Variants in AP1G1 observed in about 807,000 individuals in gnomAD.
AP1G1 encodes adaptor related protein complex 1 subunit gamma 1, also known as AP-1 complex subunit gamma-1.
A neutral mutation model predicts 108.3 loss-of-function variants in AP1G1; 7 were observed. That is an observed-to-expected ratio of 0.06 (90% confidence interval 0.04 to 0.12). The LOEUF is 0.12. AP1G1 is among the 10% of genes least tolerant of loss of function. AP1G1 has a pLI of 1.00. For synonymous variants in AP1G1, 379 were observed against 353.5 expected, an observed-to-expected ratio of 1.07 and a Z score of -0.81; for missense variants, 756 against 1,010.7, an observed-to-expected ratio of 0.75 and a Z score of 3.42.
intron 1 of AP1G1, among the ~76,000 whole-genome samples, chr16:71,799,493 T>G (rs915325771): frequency 6.6e-6 from 1 of 152,292 alleles, no homozygotes; most frequent in South Asian, 2.1e-4. Flanking sequence ...GTGGGCTGAG[T>G]GCAGTGGCTC....
chr16:71,785,940 C>T (rs756466343), intron 2 of AP1G1, among the ~76,000 whole-genome samples: 69 of 152,082 alleles, frequency 4.5e-4, no homozygotes, highest in Non-Finnish European at 6.5e-4. Context: ...TGTGATCATA[C>T]GTGCAGGTGA....
In AP1G1 at chr16:71,786,237, A is replaced by G. The variant is rs746509991; in HGVS notation, c.201+3042T>C. Among the ~76,000 whole-genome samples the G allele has an allele frequency of 4.6e-4, 70 of 152,216 alleles. 1 individual carries two copies. Among genetic ancestry groups the G allele is most frequent in the Non-Finnish European group, 6.0e-4 (41 of 68,038 alleles). On this transcript the variant is annotated intron_variant, in intron 2 of 22. Coordinates refer to ENST00000299980, the MANE Select transcript of AP1G1 (RefSeq NM_001128.6). ...CCTTAAAAGCACATTCTATTTAAAC[A>G]TATTAAAGAAATGAATCTTAGAAAA... is the stretch of plus-strand genomic sequence containing the variant.
intron 1 of AP1G1, among the ~76,000 whole-genome samples, chr16:71,794,926 C>T (rs1442354538): frequency 7.4e-6 from 1 of 135,652 alleles, no homozygotes; most frequent in East Asian, 2.3e-4. Context: ...CTTCATTTGC[C>T]TTGTTCACTC....
intron 10 of AP1G1, among the ~76,000 whole-genome samples, chr16:71,760,182 T>C (rs1421219470): frequency 4.0e-5 from 6 of 151,856 alleles, no homozygotes; most frequent in Non-Finnish European, 5.9e-5. Context: ...CCAAGTGTTC[T>C]TTAGAAGGAG....
chr16:71,753,898 C>T lies in AP1G1; in HGVS notation c.1230-11G>A. The T allele has an allele frequency of 1.2e-6, 2 of 1,613,252 alleles. No individual in the cohort carries two copies. The highest frequency in any genetic ancestry group is 1.7e-6 in the Non-Finnish European group (2 of 1,179,470). On this transcript the variant is annotated splice_polypyrimidine_tract_variant and intron_variant, in intron 12 of 22. Transcript: ENST00000299980. ...TTGGAAGGTGCATACCTGAAAAAAA[C>T]AATGGAAAGGGACACTTGGAACCAG... is the stretch of plus-strand genomic sequence containing the variant.
rs1443371772 is a variant in AP1G1, at chr16:71,748,228, C to T, written c.1625+23G>A. 1.9e-6 allele frequency: 3 copies of T among 1,602,718 alleles called. No homozygotes were observed. In the African/African-American group the frequency reaches 4.0e-5, roughly 22 times the overall value. ...TTTTAATTACAAAACAACCTGTTCA[C>T]CCTATGTTTCTTCAATACTCACTTT... is the stretch of plus-strand genomic sequence containing the variant. On this transcript the variant is annotated intron_variant, in intron 16 of 22. Transcript: ENST00000299980.
chr16:71,753,805 T>A, intron 13 of AP1G1, 28 bp downstream of exon 13: 2 of 1,602,618 alleles, frequency 1.2e-6, no homozygotes, highest in Non-Finnish European at 1.7e-6. Flanking sequence ...CAGCACTTCG[T>A]ATATGCTGTC....
chr16:71,767,854 T>A (rs772465968), intron 6 of AP1G1: 17 of 1,598,628 alleles, frequency 1.1e-5, no homozygotes, highest in Non-Finnish European at 1.4e-5. Flanking sequence ...GCATGCACCA[T>A]CTAAAAGAGG....
At chr16:71,772,281 C>A (rs1456850106) in intron 4 of AP1G1, among the ~76,000 whole-genome samples, 1 of 152,108 alleles carries the variant, frequency 6.6e-6, no homozygotes, top group African/African-American at 2.4e-5. Flanking sequence ...GCGCCCGCCA[C>A]CACGCCCGGC....
At chr16:71,778,818 C>T (rs927282853) in intron 2 of AP1G1, among the ~76,000 whole-genome samples, 1 of 151,952 alleles carries the variant, frequency 6.6e-6, no homozygotes, top group African/African-American at 2.4e-5. Context: ...TCCGTTTTTC[C>T]GCAGCAATCT....
intron 3 of AP1G1, among the ~76,000 whole-genome samples, chr16:71,773,743 G>C (rs1452361638): frequency 6.6e-6 from 1 of 152,050 alleles, no homozygotes; most frequent in Non-Finnish European, 1.5e-5. Flanking sequence ...AAGAGTTCGA[G>C]ACCAGCCTGG....
intron 19 of AP1G1, 63 bp from the exon 20 acceptor site, chr16:71,739,404 T>C (rs1220778903): frequency 3.1e-6 from 4 of 1,304,350 alleles, no homozygotes; most frequent in African/African-American, 3.2e-5. Flanking sequence ...ACCAAGAAAT[T>C]ATAGGGAAAA....
intron 2 of AP1G1, among the ~76,000 whole-genome samples, chr16:71,779,068 T>C (rs979025446): frequency 6.6e-6 from 1 of 152,130 alleles, no homozygotes; most frequent in African/African-American, 2.4e-5. Flanking sequence ...TTCCACACAA[T>C]TAATGGAAAA....
intron 2 of AP1G1, among the ~76,000 whole-genome samples, chr16:71,784,639 A>C (rs558844476): frequency 4.4e-4 from 67 of 151,864 alleles, no homozygotes; most frequent in African/African-American, 1.5e-3. Context: ...GCTCACTGCA[A>C]CCTCCACCTT....
intron 1 of AP1G1, chr16:71,808,213 C>G: frequency 8.8e-6 from 4 of 453,110 alleles, no homozygotes; most frequent in Non-Finnish European, 9.2e-6. Flanking sequence ...ACAACATATA[C>G]ACACACACAC....
chr16:71,803,909 G>C (rs1367036330), intron 1 of AP1G1, among the ~76,000 whole-genome samples: 2 of 142,828 alleles, frequency 1.4e-5, no homozygotes. Context: ...GGGCAACAGA[G>C]GAGGACTCCG....
intron 21 of AP1G1, among the ~76,000 whole-genome samples, chr16:71,738,066 G>A (rs2045572003): frequency 6.6e-6 from 1 of 152,048 alleles, no homozygotes; most frequent in African/African-American, 2.4e-5. Flanking sequence ...TGTTTGTTTT[G>A]AGATGGAGTC....
intron 2 of AP1G1, among the ~76,000 whole-genome samples, chr16:71,783,660 G>A (rs1298914880): frequency 6.6e-6 from 1 of 152,140 alleles, no homozygotes; most frequent in African/African-American, 2.4e-5. Context: ...TCCTACACAG[G>A]TAATTGGGTA....
At chr16:71,801,922 C>CAAAAAAAA (rs901972267) in intron 1 of AP1G1, among the ~76,000 whole-genome samples, 1 of 63,744 alleles carries the variant, frequency 1.6e-5, no homozygotes, top group Non-Finnish European at 3.2e-5. Context: ...ACTCCGTAAC[C>CAAAAAAAA]AAAAAAAAAA....
Sources: allele counts gnomAD v4.1 joint callset (sites outside exome capture counted in the v4.1 genomes callset), GRCh38; gene constraint gnomAD v4.1.1; transcripts MANE v1.5; gene names NCBI Gene and HGNC (gene_info 2026-07-23, HGNC 2026-07-21).